Variants in OGDH observed in about 807,000 individuals in gnomAD.
OGDH encodes oxoglutarate dehydrogenase.
OGDH carries 38 observed loss-of-function variants against 116.6 expected under a neutral mutation model. That is an observed-to-expected ratio of 0.33 (90% CI 0.25 to 0.43). The LOEUF (loss-of-function observed/expected upper bound fraction) is 0.43, where lower values mean the gene tolerates loss of function less well. OGDH is among the 20% of genes least tolerant of loss of function. The pLI, the probability that OGDH is intolerant of heterozygous loss-of-function variation, is 1.00. For missense variants in OGDH, 825 were observed against 1,357.2 expected, an observed-to-expected ratio of 0.61 and a Z score of 6.16; for synonymous variants, 488 against 533.3, an observed-to-expected ratio of 0.92 and a Z score of 1.17.
chr7:44,691,634 T>C (rs755353694), intron 10 of OGDH, among the ~76,000 whole-genome samples: 1 of 152,028 alleles, frequency 6.6e-6, no homozygotes, highest in Non-Finnish European at 1.5e-5. Flanking sequence ...TGCATAAAAT[T>C]TGGCAAAGCC....
At chr7:44,695,828 A>G (rs1300728058) in intron 12 of OGDH, among the ~76,000 whole-genome samples, 197 bp from the exon 13 acceptor site, 5 of 152,154 alleles carry the variant, frequency 3.3e-5, no homozygotes, top group African/African-American at 7.2e-5. Flanking sequence ...TGTTATGCCT[A>G]TTGAGAAGGA....
At chr7:44,628,099 T>G (rs1230437441) in intron 2 of OGDH, among the ~76,000 whole-genome samples, 1 of 152,246 alleles carries the variant, frequency 6.6e-6, no homozygotes, top group African/African-American at 2.4e-5. Context: ...GTCTTAAAAA[T>G]CTATTCCCTA....
At chr7:44,607,769 C>T (rs1288421827) in intron 1 of OGDH, among the ~76,000 whole-genome samples, 1 of 152,138 alleles carries the variant, frequency 6.6e-6, no homozygotes, top group Non-Finnish European at 1.5e-5. Context: ...GGCGCGATCT[C>T]GGCTCACTGC....
intron 20 of OGDH, among the ~76,000 whole-genome samples, chr7:44,702,772 A>AT (rs1788893609): frequency 6.6e-6 from 1 of 151,790 alleles, no homozygotes; most frequent in South Asian, 2.1e-4. Context: ...TTGTTTTTGT[A>AT]TTTTTAGTAG....
chr7:44,647,381 CTT>C (rs1786230996), intron 3 of OGDH: 1 of 1,157,016 alleles, frequency 8.6e-7, no homozygotes, highest in Non-Finnish European at 1.2e-6. Flanking sequence ...ACCTGTGACT[CTT>C]TTAACCCTCC....
At chr7:44,674,005 T>C (rs562359539) in intron 6 of OGDH, 64 bp downstream of exon 6, 37 of 1,593,688 alleles carry the variant, frequency 2.3e-5, no homozygotes, top group Non-Finnish European at 2.8e-5. Context: ...CTGTCTGTGT[T>C]GATCGGGCCT....
intron 14 of OGDH, 95 bp downstream of exon 14, chr7:44,696,652 GT>G: frequency 6.5e-7 from 1 of 1,530,430 alleles, no homozygotes; most frequent in Non-Finnish European, 8.9e-7. Context: ...CCCATCATGT[GT>G]CCTACAGAGA....
intron 9 of OGDH, among the ~76,000 whole-genome samples, chr7:44,678,407 T>C (rs1787791705): frequency 6.6e-6 from 1 of 152,200 alleles, no homozygotes; most frequent in South Asian, 2.1e-4. Flanking sequence ...ACTCACCTCA[T>C]AATGCTGGAA....
intron 5 of OGDH, 115 bp downstream of exon 5, chr7:44,666,966 C>G: frequency 1.5e-6 from 1 of 659,114 alleles, no homozygotes; most frequent in African/African-American, 1.9e-5. Context: ...TTTATTTTTT[C>G]TCTGAGACAG....
At chr7:44,660,650 C>T (rs188291465) in intron 4 of OGDH, among the ~76,000 whole-genome samples, 30 of 152,204 alleles carry the variant, frequency 2.0e-4, no homozygotes, top group Admixed American at 1.6e-3. Flanking sequence ...CTGCTAGAGC[C>T]AGGCATGGTG....
chr7:44,673,995 C>T (rs573380311), intron 6 of OGDH, 54 bp downstream of exon 6: 3 of 1,607,420 alleles, frequency 1.9e-6, no homozygotes, highest in Admixed American at 3.3e-5. Flanking sequence ...AGCAGTGACC[C>T]TGTCTGTGTT....
At chr7:44,700,653 T>A (rs1380592376) in intron 19 of OGDH, among the ~76,000 whole-genome samples, 2 of 152,020 alleles carry the variant, frequency 1.3e-5, no homozygotes, top group Non-Finnish European at 2.9e-5. Context: ...AGGGAGCGGC[T>A]CCTGAGCTGG....
rs186756078 is a variant in OGDH at position 44,687,753 on chromosome 7, T to C, written c.1335+5905T>C. Among the ~76,000 whole-genome samples, 34 of 152,278 alleles carry C rather than the reference T, an allele frequency of 2.2e-4. No homozygotes were observed. The East Asian group carries it at 4.8e-3, about 22-fold the overall frequency. ...AACTTTTTTAAATTGTATTTTTTAA[T>C]AGCTTTATTAAATGTAGTTCACTTA... On this transcript the variant is annotated intron_variant, in intron 10 of 22. Transcript: ENST00000222673.
intron 4 of OGDH, among the ~76,000 whole-genome samples, chr7:44,652,892 G>A (rs1436211370): frequency 6.6e-6 from 1 of 152,088 alleles, no homozygotes; most frequent in African/African-American, 2.4e-5. Flanking sequence ...TTTTTCCACT[G>A]GCTCTTGAAG....
At chr7:44,682,783 G>A (rs1259137613) in intron 10 of OGDH, among the ~76,000 whole-genome samples, 1 of 152,018 alleles carries the variant, frequency 6.6e-6, no homozygotes, top group Non-Finnish European at 1.5e-5. Context: ...AACCTGGGAG[G>A]TCGAGGCTGC....
chr7:44,687,003 A>G (rs2116283818), intron 10 of OGDH, among the ~76,000 whole-genome samples: 2 of 142,872 alleles, frequency 1.4e-5, no homozygotes, highest in Middle Eastern at 7.9e-3. Context: ...TTCTTTGTCT[A>G]GTTTTCAGAA....
chr7:44,684,935 G>A (rs1228427843), intron 10 of OGDH, among the ~76,000 whole-genome samples: 2 of 151,900 alleles, frequency 1.3e-5, no homozygotes, highest in Admixed American at 6.6e-5. Context: ...TTACAGGCAC[G>A]TGCCACCACA....
chr7:44,635,318 G>T (rs1302416663), intron 2 of OGDH, among the ~76,000 whole-genome samples: 1 of 152,230 alleles, frequency 6.6e-6, no homozygotes, highest in Non-Finnish European at 1.5e-5. Context: ...AGCATTGTCA[G>T]TGTCAGAACT....
chr7:44,657,094 A>G (rs1029377827), intron 4 of OGDH, among the ~76,000 whole-genome samples: 27 of 152,328 alleles, frequency 1.8e-4, no homozygotes, highest in African/African-American at 6.5e-4. Flanking sequence ...GACAAATAAC[A>G]GTTCTGTGCC....
Sources: gnomAD v4.1 joint callset for allele counts (sites outside exome capture counted in the v4.1 genomes callset) on GRCh38, gnomAD v4.1.1 for gene constraint, MANE v1.5 for transcripts, NCBI Gene and HGNC (gene_info 2026-07-23, HGNC 2026-07-21) for gene names.